The following NRXN3 variants were observed in gnomAD, a reference collection of about 807,000 sequenced individuals.
NRXN3 encodes neurexin 3, also known as neurexin III.
Under a neutral mutation model 137.6 loss-of-function variants are expected in NRXN3, and 32 were observed. That is an observed-to-expected ratio of 0.23 (90% CI 0.18 to 0.31). NRXN3 has a LOEUF of 0.31. NRXN3 is among the 10% of genes least tolerant of loss of function. NRXN3 has a pLI of 1.00. For synonymous variants in NRXN3, 798 were observed against 784.5 expected, an observed-to-expected ratio of 1.02 and a Z score of -0.29; for missense variants, 1,574 against 2,062.5, an observed-to-expected ratio of 0.76 and a Z score of 4.59.
intron 15 of NRXN3, among the ~76,000 whole-genome samples, chr14:79,110,798 T>TTTATTTA (rs59008765): frequency 0.18 from 24,438 of 135,096 alleles, 2,685 homozygotes; most frequent in East Asian, 0.32. Flanking sequence ...TTATTTATTT[T>TTTATTTA]TTTATTTTTT....
intron 15 of NRXN3, among the ~76,000 whole-genome samples, chr14:79,217,788 T>G (rs2068805257): frequency 6.6e-6 from 1 of 152,250 alleles, no homozygotes; most frequent in South Asian, 2.1e-4. Flanking sequence ...ATTTAAAAGT[T>G]CCCTAGGTGA....
At chr14:78,233,500 A>G (rs1354512761) in intron 1 of NRXN3, among the ~76,000 whole-genome samples, 3 of 152,094 alleles carry the variant, frequency 2.0e-5, no homozygotes, top group African/African-American at 4.8e-5. Context: ...CTGGACATAG[A>G]ACCCCTAAAG....
chr14:79,047,412 T>C (rs935903228), intron 15 of NRXN3, among the ~76,000 whole-genome samples: 4 of 152,090 alleles, frequency 2.6e-5, no homozygotes, highest in African/African-American at 9.7e-5. Context: ...AAGCACTAAG[T>C]ATATAAAAGA....
At chr14:78,915,213 G>A (rs1281641743) in intron 10 of NRXN3, among the ~76,000 whole-genome samples, 1 of 151,542 alleles carries the variant, frequency 6.6e-6, no homozygotes, top group African/African-American at 2.4e-5. Flanking sequence ...GAAAAGTCAA[G>A]GATTGAGTTT....
chr14:79,697,748 C>T lies in NRXN3; in HGVS notation c.3825C>T (p.Asn1275=). Residue 1275 remains asparagine, a synonymous_variant, in exon 19 of 21, where the codon AAC becomes AAT. Transcript: ENST00000335750. ...ATTATGATGGTTTGAAAGTACTGAA[C>T]ATGGCGGCTGAGAACAACCCCAATA... ...GLYYDGLKVL[N]MAAENNPNIK... 1 of 1,613,160 alleles carries T rather than the reference C, an allele frequency of 6.2e-7. No homozygotes were observed.
intron 16 of NRXN3, among the ~76,000 whole-genome samples, chr14:79,523,482 T>C (rs2153705964): frequency 6.6e-6 from 1 of 152,146 alleles, no homozygotes; most frequent in African/African-American, 2.4e-5. Context: ...GGAAAAAAAA[T>C]CTGTTCCAAT....
At chr14:78,534,372 T>G (rs1359974510) in intron 4 of NRXN3, among the ~76,000 whole-genome samples, 2 of 152,224 alleles carry the variant, frequency 1.3e-5, no homozygotes, top group African/African-American at 4.8e-5. Flanking sequence ...CGTCAGTGGA[T>G]CTGTGAGGGC....
chr14:79,529,538 A>G (rs2097151425), intron 16 of NRXN3, among the ~76,000 whole-genome samples: 1 of 152,252 alleles, frequency 6.6e-6, no homozygotes, highest in Non-Finnish European at 1.5e-5. Flanking sequence ...GAGAAAAGAG[A>G]AAATATGGCT....
chr14:78,452,828 T>C (rs1003381495), intron 4 of NRXN3, among the ~76,000 whole-genome samples: 5 of 152,198 alleles, frequency 3.3e-5, no homozygotes, highest in Non-Finnish European at 7.3e-5. Context: ...AGAGAGGTGG[T>C]GCTGCCAGGT....
intron 4 of NRXN3, among the ~76,000 whole-genome samples, chr14:78,620,054 G>A (rs536059489): frequency 8.5e-5 from 13 of 152,250 alleles, no homozygotes; most frequent in South Asian, 6.2e-4. Flanking sequence ...ATGGTATTTT[G>A]TTACAGCAGC....
intron 19 of NRXN3, among the ~76,000 whole-genome samples, chr14:79,777,973 C>A (rs937051788): frequency 3.9e-5 from 6 of 152,014 alleles, no homozygotes; most frequent in Non-Finnish European, 8.8e-5. Context: ...ACTACCATAT[C>A]CCAGATCTAG....
intron 15 of NRXN3, among the ~76,000 whole-genome samples, chr14:79,002,234 G>A (rs999394127): frequency 6.6e-6 from 1 of 152,036 alleles, no homozygotes; most frequent in Admixed American, 6.6e-5. Context: ...TTTTAGTTCT[G>A]GGGTACATGT....
chr14:78,541,948 G>A (rs897926691), intron 4 of NRXN3, among the ~76,000 whole-genome samples: 2 of 152,176 alleles, frequency 1.3e-5, no homozygotes, highest in African/African-American at 4.8e-5. Flanking sequence ...CACCAGCAGA[G>A]GCTGCAGAAC....
At chr14:79,300,972 C>T (rs764382203) in intron 15 of NRXN3, among the ~76,000 whole-genome samples, 21 of 152,172 alleles carry the variant, frequency 1.4e-4, no homozygotes, top group Non-Finnish European at 2.6e-4. Context: ...TGAGGCCACA[C>T]GCCTATATTG....
chr14:78,857,163 TG>T (rs887240337), intron 10 of NRXN3, among the ~76,000 whole-genome samples: 7 of 152,114 alleles, frequency 4.6e-5, no homozygotes, highest in African/African-American at 1.7e-4. Context: ...ATATATGAAT[TG>T]TTTTTTTTTT....
intron 10 of NRXN3, among the ~76,000 whole-genome samples, chr14:78,879,022 A>T (rs893622980): frequency 6.6e-6 from 1 of 152,134 alleles, no homozygotes; most frequent in Non-Finnish European, 1.5e-5. Flanking sequence ...TGTTGTTACA[A>T]ATTAGGAGAT....
intron 4 of NRXN3, chr14:78,403,797 T>C: frequency 1.0e-6 from 1 of 985,482 alleles, no homozygotes; most frequent in Non-Finnish European, 1.2e-6. Flanking sequence ...CTTCGTTGTT[T>C]CTGCCCCCTG....
chr14:78,853,526 A>G lies in NRXN3; in HGVS notation c.2275+43182A>G, dbSNP rs534187796. On this transcript the variant is annotated intron_variant, in intron 10 of 20. Coordinates refer to ENST00000335750, the MANE Select transcript of NRXN3 (RefSeq NM_001330195.2). ...TAGTTATACAGTAATTTCTTAATAC[A>G]TATTATAACATTTGTTAATTGTATA... Among the ~76,000 whole-genome samples the G allele has an allele frequency of 1.6e-4, 25 of 152,306 alleles. 1 individual carries two copies. In the South Asian group the frequency reaches 4.3e-3, roughly 26 times the overall value.
intron 19 of NRXN3, among the ~76,000 whole-genome samples, chr14:79,773,803 TAAAAATA>T (rs916108144): frequency 9.2e-6 from 1 of 109,266 alleles, no homozygotes; most frequent in African/African-American, 3.6e-5. Context: ...TAAAAATAAA[TAAAAATA>T]AAAAATAAAA....
Sources: allele counts gnomAD v4.1 joint callset (sites outside exome capture counted in the v4.1 genomes callset), GRCh38; gene constraint gnomAD v4.1.1; transcripts MANE v1.5; gene names NCBI Gene and HGNC (gene_info 2026-07-23, HGNC 2026-07-21).